MYH13: variants seen among roughly 807,000 people sequenced by gnomAD.
MYH13 encodes myosin heavy chain 13.
Under a neutral mutation model 232.1 loss-of-function variants are expected in MYH13, and 177 were observed. The observed-to-expected ratio is 0.76, with a 90% CI of 0.67 to 0.86. The LOEUF (loss-of-function observed/expected upper bound fraction) is 0.86. MYH13 is among the 40% of genes least tolerant of loss of function. The probability of loss-of-function intolerance (pLI) is 0.00; values close to 1 mark genes in which losing one functional copy is unlikely to be tolerated. For synonymous variants in MYH13, 884 were observed against 923.5 expected, an observed-to-expected ratio of 0.96 and a Z score of 0.78; for missense variants, 2,246 against 2,405.9, an observed-to-expected ratio of 0.93 and a Z score of 1.39.
At chr17:10,355,208 C>T (rs1597388191) in intron 8 of MYH13, 61 bp from the exon 9 acceptor site, 2 of 1,498,430 alleles carry the variant, frequency 1.3e-6, no homozygotes, top group Non-Finnish European at 1.8e-6. Flanking sequence ...TTGTGGCTGG[C>T]CTTAGATAGG....
chr17:10,340,533 G>T, intron 16 of MYH13, 132 bp from the exon 17 acceptor site: 1 of 686,062 alleles, frequency 1.5e-6, no homozygotes, highest in South Asian at 2.0e-5. Flanking sequence ...TTGTTTGTTT[G>T]TTTTAGACGG....
chr17:10,365,652 C>G (rs1048434520), intron 2 of MYH13, among the ~76,000 whole-genome samples: 1 of 152,156 alleles, frequency 6.6e-6, no homozygotes, highest in Non-Finnish European at 1.5e-5. Flanking sequence ...GAATCTCAGA[C>G]CCACCCAAGA....
At position 10,318,110 on chromosome 17, in the gene MYH13, C is replaced by T. The variant is rs536027839; in HGVS notation, c.3738+680G>A. Among the ~76,000 whole-genome samples the T allele has an allele frequency of 2.4e-3, 372 of 152,204 alleles. 2 individuals carry two copies. Among genetic ancestry groups the T allele is most frequent in the African/African-American group, 8.5e-3 (352 of 41,538 alleles). ...TACAAAAATTAGCCAGGCCTGGTGG[C>T]GTGTGCCTGTAATCCCAGCTACTTG... On this transcript the variant is annotated intron_variant, in intron 27 of 40. Transcript: ENST00000252172.
chr17:10,301,836 A>G, intron 39 of MYH13, 133 bp from the exon 40 acceptor site: 5 of 1,218,842 alleles, frequency 4.1e-6, no homozygotes, highest in Non-Finnish European at 5.6e-6. Flanking sequence ...AGGGCAGGGA[A>G]GCTTTCTCCA....
chr17:10,328,678 GTTT>G (rs34649785), intron 21 of MYH13, among the ~76,000 whole-genome samples: 70 of 128,024 alleles, frequency 5.5e-4, no homozygotes, highest in Admixed American at 8.0e-4. Flanking sequence ...TTTTCTATTC[GTTT>G]TTTTTTTTTT....
intron 11 of MYH13, among the ~76,000 whole-genome samples, chr17:10,352,696 T>A (rs17810719): frequency 0.01 from 1,567 of 152,260 alleles, 77 homozygotes; most frequent in East Asian, 0.096. Context: ...GTAAGGTGAC[T>A]TTTAGAATTC....
At position 10,330,396 on chromosome 17, in the gene MYH13, A is replaced by T. The variant is rs1245458448; in HGVS notation, c.2426T>A (p.Met809Lys). ...TGAGGGTCTGTGTCACCTCCTCTCC[A>T]TCATCTTCTTGAACTCCACCCGCAT... ...YLMRVEFKKM[M>K]ERRDSIFCIQ... is the part of the protein sequence containing the mutation. The change falls in exon 21 of 41, where the codon ATG becomes AAG. Residue 809 changes from methionine (M) to lysine (K), a missense_variant. Physicochemically the swap from Met to Lys is moderately conservative, Grantham distance 95. Transcript: ENST00000252172. The T allele has an allele frequency of 6.2e-7, 1 of 1,613,454 alleles. No individual in the cohort carries two copies. The highest frequency in any genetic ancestry group is 1.3e-5 in the African/African-American group (1 of 74,866).
intron 37 of MYH13, among the ~76,000 whole-genome samples, chr17:10,305,968 G>A (rs558378406): frequency 2.2e-4 from 34 of 152,250 alleles, no homozygotes; most frequent in Admixed American, 1.5e-3. Flanking sequence ...AGAAAAGCTG[G>A]GGAGGGAAGG....
In MYH13 at chr17:10,364,452, C is replaced by G. The variant is rs774959218; in HGVS notation, c.79G>C (p.Ala27Pro). ...TTGGAATCGAATGGACGATTTTGAG[C>G]CTCGATTCTCTCCTTCTCTGGTTTC... Reference protein sequence around the residue: ...LRKPEKERIEAQNRPFDSKKA... With the variant: ...LRKPEKERIEPQNRPFDSKKA... Residue 27 changes from alanine (A) to proline (P), a missense_variant, in exon 3 of 41, where the codon GCT becomes CCT. By Grantham distance (27) the Ala-to-Pro change is conservative. Coordinates refer to ENST00000252172, the MANE Select transcript of MYH13 (RefSeq NM_003802.3). 1.9e-6 allele frequency: 3 copies of G among 1,612,796 alleles called. No individual in the cohort carries two copies. The East Asian group carries it at 6.7e-5, about 36-fold the overall frequency.
chr17:10,323,778 AAAAAAAAAAAAGAAG>A (rs1365495656), intron 23 of MYH13, among the ~76,000 whole-genome samples: 1,274 of 87,284 alleles, frequency 0.015, 10 homozygotes, highest in Admixed American at 0.039. Flanking sequence ...AAAAAAAAAA[AAAAAAAAAAAAGAAG>A]AAGAAGAAGA....
At position 10,315,796 on chromosome 17, in the gene MYH13, C is replaced by G. The variant is rs17690195; in HGVS notation, c.3881G>C (p.Arg1294Pro). ...LQTQNGELSH[R>P]VEEKESLISQ... The stretch of plus-strand genomic sequence containing the variant: ...AATCAGAGACTCCTTCTCTTCCACT[C>G]GGTGGCTCAGCTCCCCTACCAAACA... Residue 1294 changes from arginine to proline, a missense_variant, in exon 29 of 41, where the codon CGA becomes CCA. Transcript: ENST00000252172. The G allele has an allele frequency of 1.9e-6, 3 of 1,613,780 alleles. No individual in the cohort carries two copies. Among genetic ancestry groups the G allele is most frequent in the Non-Finnish European group, 2.5e-6 (3 of 1,179,868 alleles).
At chr17:10,349,029 C>T (rs1036360249) in intron 12 of MYH13, among the ~76,000 whole-genome samples, 1 of 151,290 alleles carries the variant, frequency 6.6e-6, no homozygotes, top group African/African-American at 2.4e-5. Flanking sequence ...TTCCTTCTCC[C>T]TTCCTTCTCC....
rs1317942107 is a variant in MYH13 at position 10,304,204 on chromosome 17, C to T, written c.5467-706G>A. Reference sequence around the variant, plus strand: ...ATGGGTGCAGCAAACCAACATAGCACGTTTATACCTATGTAATAAACCTGC... The same window carrying T: ...ATGGGTGCAGCAAACCAACATAGCATGTTTATACCTATGTAATAAACCTGC... On this transcript the variant is annotated intron_variant, in intron 37 of 40. Coordinates refer to ENST00000252172, the MANE Select transcript of MYH13 (RefSeq NM_003802.3). The surrounding 1 kb of genome is among the most constrained non-coding windows in gnomAD (Gnocchi z 5.3). Among the ~76,000 whole-genome samples, 3 of 152,170 alleles carry T rather than the reference C, an allele frequency of 2.0e-5. No individual in the cohort carries two copies. Among genetic ancestry groups the T allele is most frequent in the Non-Finnish European group, 2.9e-5 (2 of 68,040 alleles).
At chr17:10,349,657 A>T (rs1009417619) in intron 12 of MYH13, among the ~76,000 whole-genome samples, 1 of 151,688 alleles carries the variant, frequency 6.6e-6, no homozygotes, top group African/African-American at 2.4e-5. Context: ...AACCTGTACA[A>T]CTCCCATGAT....
rs1015610608 is a variant in MYH13, at chr17:10,330,487, C to G, written c.2335G>C (p.Glu779Gln). Residue 779 changes from glutamate (E) to glutamine (Q), a missense_variant, in exon 21 of 41, where the codon GAG becomes CAG. Transcript: ENST00000252172. ...GTCACCAGCTTCTCATCTCTCATCTCCTCCAAAAGTCCCAGGAGCCCAGCT... is the reference window on the plus strand; with the variant it reads ...GTCACCAGCTTCTCATCTCTCATCTGCTCCAAAAGTCCCAGGAGCCCAGCT... ...FKAGLLGLLE[E>Q]MRDEKLVTLM... is the part of the protein sequence containing the mutation. 3.7e-6 allele frequency: 6 copies of G among 1,612,026 alleles called. No individual in the cohort carries two copies. Among genetic ancestry groups the G allele is most frequent in the Non-Finnish European group, 5.1e-6 (6 of 1,179,536 alleles).
rs776815725 is a variant in MYH13, at chr17:10,321,726, C to A, written c.2935-18G>T. On this transcript the variant is annotated intron_variant, in intron 23 of 40. Transcript: ENST00000252172. ...TTCTTTACCTGGGACAATATTAACACCGATTTAATATGGAAACGATTATGC... is the reference window on the plus strand; with the variant it reads ...TTCTTTACCTGGGACAATATTAACAACGATTTAATATGGAAACGATTATGC... The A allele has an allele frequency of 6.3e-7, 1 of 1,596,180 alleles. No homozygotes were observed. Among genetic ancestry groups the A allele is most frequent in the Non-Finnish European group, 8.5e-7 (1 of 1,170,028 alleles).
Position 10,301,723 on chromosome 17 carries a change from G to A in MYH13, c.5668-20C>T, listed in dbSNP as rs1034663220. Reference sequence around the variant, plus strand: ...CTCCTCCTGCACAGGAGACAGAGGGGGTATGACGCTGTAGAGCCTCTCAGT... The same window carrying A: ...CTCCTCCTGCACAGGAGACAGAGGGAGTATGACGCTGTAGAGCCTCTCAGT... On this transcript the variant is annotated intron_variant, in intron 39 of 40. Transcript: ENST00000252172. 1 of 1,611,750 alleles carries A rather than the reference G, an allele frequency of 6.2e-7. No individual in the cohort carries two copies.
intron 24 of MYH13, among the ~76,000 whole-genome samples, chr17:10,321,161 C>T (rs1245582271): frequency 6.6e-6 from 1 of 152,102 alleles, no homozygotes; most frequent in Non-Finnish European, 1.5e-5. Context: ...AGTAACGTTA[C>T]AACAGGATTG....
chr17:10,338,732 GCT>G (rs1487737253), intron 18 of MYH13, among the ~76,000 whole-genome samples: 3 of 132,712 alleles, frequency 2.3e-5, no homozygotes, highest in African/African-American at 8.0e-5. Flanking sequence ...ACGGAGTTTC[GCT>G]CTGTCGCCCA....
Sources: allele counts gnomAD v4.1 joint callset (sites outside exome capture counted in the v4.1 genomes callset), GRCh38; gene constraint gnomAD v4.1.1; non-coding constraint Gnocchi (gnomAD v3.1); transcripts MANE v1.5; gene names NCBI Gene and HGNC (gene_info 2026-07-23, HGNC 2026-07-21).